Variants in DIS3 observed in about 807,000 individuals in gnomAD.
DIS3 encodes exosome complex exonuclease RRP44.
In DIS3, 103 loss-of-function variants were observed where a neutral mutation model predicts 113.0. The ratio of observed to expected loss-of-function variants is 0.91; its 90% confidence interval spans 0.78 to 1.07. The LOEUF (loss-of-function observed/expected upper bound fraction) is 1.07. DIS3 is among the 50% of genes least tolerant of loss of function. The probability of loss-of-function intolerance (pLI) is 0.00; values close to 1 mark genes in which losing one functional copy is unlikely to be tolerated. For missense variants in DIS3, 1,121 were observed against 1,167.1 expected, an observed-to-expected ratio of 0.96 and a Z score of 0.58; for synonymous variants, 402 against 394.3, an observed-to-expected ratio of 1.02 and a Z score of -0.23.
intron 13 of DIS3, among the ~76,000 whole-genome samples, chr13:72,770,679 T>C (rs2033863854): frequency 6.6e-6 from 1 of 152,184 alleles, no homozygotes; most frequent in Admixed American, 6.5e-5. Context: ...CTGGGGACTT[T>C]TTTAGACTAT....
chr13:72,771,878 C>T lies in DIS3; in HGVS notation c.1522G>A (p.Asp508Asn). The T allele has an allele frequency of 6.2e-7, 1 of 1,613,594 alleles. No individual in the cohort carries two copies. The highest frequency in any genetic ancestry group is 8.5e-7 in the Non-Finnish European group (1 of 1,179,840). ...GNLEVGVHIA[D>N]VSHFIRPGNA... ...CCTGGCCTAATAAAATGGCTCACAT[C>T]AGCAATATGAACACCAACCTTAAAA... The change falls in exon 11 of 21, where the codon GAT (aspartate) becomes AAT (asparagine). Residue 508 changes from aspartate (D) to asparagine (N), a missense_variant. Asp to Asn is a conservative substitution (Grantham distance 23, BLOSUM62 1). This residue lies in a region of DIS3 where 861 missense variants were observed against 915.5 expected (regional missense o/e 0.94). Transcript: ENST00000377767.
intron 4 of DIS3, among the ~76,000 whole-genome samples, chr13:72,776,742 TTTAA>T (rs1253385813): frequency 1.3e-5 from 2 of 152,208 alleles, no homozygotes; most frequent in African/African-American, 2.4e-5. Context: ...ATGCTCAGAA[TTTAA>T]TTATTCCCTT....
rs1482276766 is a variant in DIS3, at chr13:72,754,339, TCTTACTCTGTCACC to T, written c.*5442_*5455del. ...CTTTTTTTTTTTTTTTGAGACAGGGTCTTACTCTGTCACCCGGGCTGGAGTGCAGTCGTAGAATC... is the reference window on the plus strand; with the variant it reads ...CTTTTTTTTTTTTTTTGAGACAGGGTCGGGCTGGAGTGCAGTCGTAGAATC... On this transcript the variant is annotated 3_prime_UTR_variant, in exon 21 of 21. Coordinates refer to ENST00000377767, the MANE Select transcript of DIS3 (RefSeq NM_014953.5). 1 of 150,064 alleles carries T rather than the reference TCTTACTCTGTCACC, an allele frequency of 6.7e-6. No homozygotes were observed. The highest frequency in any genetic ancestry group is 2.1e-4 in the South Asian group (1 of 4,776). 9.3% of individuals were successfully genotyped at this position (150,064 alleles called of 1,614,324 possible). A position where few individuals can be genotyped will look rare whatever the true frequency, so the allele number is the denominator to read the frequency against.
Position 72,752,202 on chromosome 13 carries a change from G to A in DIS3, c.*7593C>T, listed in dbSNP as rs1165861051. ...AGAGTTCTTTTATTTCCAGGCTGTG[G>A]GATCTTAAGGCAAGATTTACATAGC... On this transcript the variant is annotated 3_prime_UTR_variant, in exon 21 of 21. Transcript: ENST00000377767. 6.6e-6 allele frequency: 1 copy of A among 152,098 alleles called. No individual in the cohort carries two copies. The allele number at this position is 152,098 out of a possible 1,614,324, so 9.4% of individuals were successfully genotyped here. A position where few individuals can be genotyped will look rare whatever the true frequency, so the allele number is the denominator to read the frequency against.
chr13:72,773,548 C>T, intron 8 of DIS3, 136 bp downstream of exon 8: 2 of 900,110 alleles, frequency 2.2e-6, no homozygotes, highest in Non-Finnish European at 3.2e-6. Context: ...TGCTACTTAC[C>T]AGGTCACTTT....
chr13:72,763,254 G>A (rs1208716673), intron 16 of DIS3, among the ~76,000 whole-genome samples, 197 bp downstream of exon 16: 8 of 151,890 alleles, frequency 5.3e-5, no homozygotes, highest in East Asian at 3.9e-4. Context: ...GCAGTGAGCC[G>A]AGATCGTGCC....
Position 72,778,369 on chromosome 13 carries a change from A to G in DIS3, c.398T>C (p.Val133Ala). 1 of 1,555,118 alleles carries G rather than the reference A, an allele frequency of 6.4e-7. No individual in the cohort carries two copies. Among genetic ancestry groups the G allele is most frequent in the Non-Finnish European group, 8.8e-7 (1 of 1,138,400 alleles). The change falls in exon 3 of 21, where the codon GTA becomes GCA. Residue 133 changes from valine to alanine, a missense_variant. Val to Ala is a moderately conservative substitution (Grantham distance 64). Transcript: ENST00000377767. The part of the protein sequence containing the change: ...FTNEHHRETY[V>A]EQEQGENAND... ...AGCATTTTCTCCCTGTTCTTGTTCT[A>G]CATAGGTTTCTCTAAATGGAAAGAA...
intron 16 of DIS3, among the ~76,000 whole-genome samples, chr13:72,762,868 T>C (rs1245858738): frequency 6.6e-6 from 1 of 152,062 alleles, no homozygotes; most frequent in Non-Finnish European, 1.5e-5. Flanking sequence ...AGTCAGGCAG[T>C]TGACAGGAGC....
intron 15 of DIS3, among the ~76,000 whole-genome samples, chr13:72,764,032 G>A (rs2033691857): frequency 6.6e-6 from 1 of 151,988 alleles, no homozygotes; most frequent in Non-Finnish European, 1.5e-5. Context: ...CACTCCTGTA[G>A]TCCCGGCTAC....
At chr13:72,769,934 C>T (rs1253511802) in intron 13 of DIS3, among the ~76,000 whole-genome samples, 1 of 152,114 alleles carries the variant, frequency 6.6e-6, no homozygotes, top group African/African-American at 2.4e-5. Flanking sequence ...TAAGAGAGAA[C>T]ATAAGGGATT....
At chr13:72,764,010 G>A (rs912875990) in intron 15 of DIS3, among the ~76,000 whole-genome samples, 3 of 152,036 alleles carry the variant, frequency 2.0e-5, no homozygotes, top group African/African-American at 7.2e-5. Flanking sequence ...AAATTAGCCA[G>A]GTCTGGTGGC....
At chr13:72,765,650 C>G (rs1030463488) in intron 15 of DIS3, among the ~76,000 whole-genome samples, 1 of 152,190 alleles carries the variant, frequency 6.6e-6, no homozygotes, top group African/African-American at 2.4e-5. Context: ...AACCCCTGCA[C>G]TACAGTATAT....
At chr13:72,777,224 T>C (rs890625658) in intron 4 of DIS3, among the ~76,000 whole-genome samples, 196 bp downstream of exon 4, 1 of 152,204 alleles carries the variant, frequency 6.6e-6, no homozygotes, top group Non-Finnish European at 1.5e-5. Flanking sequence ...TGGGAATATA[T>C]CTATTTTAGA....
intron 11 of DIS3, 43 bp downstream of exon 11, chr13:72,771,752 T>TA: frequency 6.3e-7 from 1 of 1,576,050 alleles, no homozygotes; most frequent in Non-Finnish European, 8.7e-7. Context: ...TAAGAATCCT[T>TA]AAGTGTCCAT....
intron 13 of DIS3, among the ~76,000 whole-genome samples, chr13:72,769,802 C>A (rs1267709102): frequency 6.6e-6 from 1 of 152,088 alleles, no homozygotes; most frequent in Non-Finnish European, 1.5e-5. Flanking sequence ...TTCTTTGCAA[C>A]CACTGGTTAG....
chr13:72,777,482 C>T lies in DIS3; in HGVS notation c.592G>A (p.Val198Ile), dbSNP rs946491574. 2 of 1,614,006 alleles carry T rather than the reference C, an allele frequency of 1.2e-6. No individual in the cohort carries two copies. The highest frequency in any genetic ancestry group is 1.7e-6 in the Non-Finnish European group (2 of 1,179,916). The change falls in exon 4 of 21, where the codon GTA becomes ATA. Residue 198 changes from valine to isoleucine, a missense_variant. By Grantham distance (29) the Val-to-Ile change is conservative (BLOSUM62 3). Transcript: ENST00000377767. The stretch of plus-strand genomic sequence containing the variant: ...TCGGGGTTAGCAGTTAGGCTCTTTA[C>T]ATATTCTTCACCTGAAAAAATAAGT... ...GIPAFTCEEYVKSLTANPELI... is the reference protein window; with the variant it reads ...GIPAFTCEEYIKSLTANPELI...
At position 72,772,769 on chromosome 13, in the gene DIS3, T is replaced by C. The variant is rs1180859728; in HGVS notation, c.1310A>G (p.His437Arg). The change falls in exon 9 of 21, where the codon CAC becomes CGC. Residue 437 changes from histidine (H) to arginine (R), a missense_variant. By Grantham distance (29) the His-to-Arg change is conservative. Coordinates refer to ENST00000377767, the MANE Select transcript of DIS3 (RefSeq NM_014953.5). ...ETETEVLLLE[H>R]DVPHQPFSQA... The stretch of plus-strand genomic sequence containing the variant: ...TGAAAAAGGCTGATGGGGAACATCG[T>C]GTTCAAGTAACAAAACTTCTGTTTC... 6.2e-7 allele frequency: 1 copy of C among 1,613,418 alleles called. No individual in the cohort carries two copies. The highest frequency in any genetic ancestry group is 2.2e-5 in the East Asian group (1 of 44,822).
chr13:72,773,478 C>T (rs533883671), intron 8 of DIS3, among the ~76,000 whole-genome samples: 1 of 152,108 alleles, frequency 6.6e-6, no homozygotes, highest in Admixed American at 6.6e-5. Flanking sequence ...AAGAAATTTA[C>T]ATAAAAGTAA....
intron 16 of DIS3, 48 bp downstream of exon 16, chr13:72,763,402 AG>A (rs1364058058): frequency 6.5e-7 from 1 of 1,538,450 alleles, no homozygotes; most frequent in Admixed American, 2.1e-5. Flanking sequence ...TTAGAACAAC[AG>A]GTAGATCAAA....
Sources: gnomAD v4.1 joint callset for allele counts (sites outside exome capture counted in the v4.1 genomes callset) on GRCh38, gnomAD v4.1.1 for gene constraint, gnomAD v4.1.1 regional missense constraint, MANE v1.5 for transcripts, NCBI Gene and HGNC (gene_info 2026-07-23, HGNC 2026-07-21) for gene names.